Variants in WDR7 observed in about 807,000 individuals in gnomAD.
WDR7 encodes the protein WD repeat-containing protein 7.
In WDR7, 46 loss-of-function variants were observed where a neutral mutation model predicts 169.4. That is an observed-to-expected ratio of 0.27 (90% confidence interval 0.21 to 0.35). The LOEUF is 0.35. Among genes scored for constraint, WDR7 ranks in the 10% least tolerant of loss-of-function variants. The pLI is 1.00. For synonymous variants in WDR7, 612 were observed against 666.8 expected, an observed-to-expected ratio of 0.92 and a Z score of 1.27; for missense variants, 1,534 against 1,859.3, an observed-to-expected ratio of 0.83 and a Z score of 3.22.
chr18:57,033,339 A>G (rs1372817260), downstream of WDR7: 2 of 152,212 alleles, frequency 1.3e-5, no homozygotes, highest in African/African-American at 4.8e-5. Flanking sequence ...GTAGGAATTT[A>G]TAGAAGTCAA....
Position 56,999,386 on chromosome 18 carries a change from AAT to A in WDR7, c.4165-21352_4165-21351del, listed in dbSNP as rs537791219. ...TTTTAGGAATAAGTAAATATTAGGAAATATATATGAAGTAGTGATAATGGTTT... is the reference window on the plus strand; with the variant it reads ...TTTTAGGAATAAGTAAATATTAGGAAATATATGAAGTAGTGATAATGGTTT... On this transcript the variant is annotated intron_variant, in intron 26 of 27. Transcript: ENST00000254442. 2.8e-4 allele frequency among the ~76,000 whole-genome samples: 43 copies of A among 152,320 alleles called. 2 individuals are homozygous for A. In the South Asian group the frequency reaches 8.5e-3, roughly 30 times the overall value.
chr18:56,800,339 T>C (rs2044651507), intron 19 of WDR7, among the ~76,000 whole-genome samples: 1 of 152,264 alleles, frequency 6.6e-6, no homozygotes, highest in Non-Finnish European at 1.5e-5. Flanking sequence ...TTACAGTGTA[T>C]GCATGTTTAT....
At chr18:56,897,906 T>C (rs1354197864) in intron 21 of WDR7, among the ~76,000 whole-genome samples, 2 of 151,976 alleles carry the variant, frequency 1.3e-5, no homozygotes, top group African/African-American at 4.8e-5. Context: ...TATACCTTGA[T>C]TGGTGTGGAG....
chr18:56,903,625 G>A (rs2046434179), intron 21 of WDR7, among the ~76,000 whole-genome samples: 1 of 151,772 alleles, frequency 6.6e-6, no homozygotes, highest in Admixed American at 6.6e-5. Flanking sequence ...TCACCATGTT[G>A]GCCAGGCTGG....
At chr18:56,872,529 A>G (rs2045967367) in intron 20 of WDR7, 1 of 152,232 alleles carries the variant, frequency 6.6e-6, no homozygotes, top group Admixed American at 6.5e-5. Flanking sequence ...TCTGTCAAGT[A>G]AATTGTTGTT....
At chr18:56,872,879 A>G (rs1290228436) in intron 20 of WDR7, 2 of 152,206 alleles carry the variant, frequency 1.3e-5, no homozygotes, top group African/African-American at 2.4e-5. Flanking sequence ...TTTATTTTTA[A>G]TATCTCAAAA....
At chr18:57,030,843 A>G (rs1275520504), downstream of WDR7, 1 of 150,866 alleles carries the variant, frequency 6.6e-6, no homozygotes, top group East Asian at 2.0e-4. Context: ...AGCCAGAAGA[A>G]TTTCAAAAAT....
chr18:56,863,832 C>T (rs1449420751), intron 20 of WDR7, among the ~76,000 whole-genome samples: 1 of 151,708 alleles, frequency 6.6e-6, no homozygotes, highest in Non-Finnish European at 1.5e-5. Context: ...GCTGTTTGAT[C>T]AGTTCTGTGT....
intron 1 of WDR7, among the ~76,000 whole-genome samples, chr18:56,663,626 C>CATATATGCACAGCATATATACAT (rs1239167119): frequency 7.5e-5 from 1 of 13,352 alleles, no homozygotes; most frequent in African/African-American, 9.4e-5. Context: ...ATATACACCA[C>CATATATGCACAGCATATATACAT]ATATATGCAC....
chr18:56,834,994 A>T (rs187213280), intron 20 of WDR7, among the ~76,000 whole-genome samples: 1 of 152,302 alleles, frequency 6.6e-6, no homozygotes, highest in Admixed American at 6.5e-5. Flanking sequence ...AGCAGGCCCC[A>T]GTAAGACTTC....
intron 21 of WDR7, among the ~76,000 whole-genome samples, chr18:56,896,800 C>A (rs1599138440): frequency 6.6e-6 from 1 of 151,736 alleles, no homozygotes; most frequent in South Asian, 2.1e-4. Context: ...AATGCCAAAC[C>A]AAGCCACTAA....
intron 12 of WDR7, among the ~76,000 whole-genome samples, chr18:56,713,142 C>A (rs1010782079): frequency 6.6e-6 from 1 of 152,070 alleles, no homozygotes; most frequent in Non-Finnish European, 1.5e-5. Flanking sequence ...ATCTCTTCAT[C>A]GGCTATATTA....
chr18:57,008,015 C>T (rs984728863), intron 26 of WDR7, among the ~76,000 whole-genome samples: 1 of 152,122 alleles, frequency 6.6e-6, no homozygotes, highest in East Asian at 1.9e-4. Flanking sequence ...TCCTAAGCTC[C>T]AAATTCATTT....
chr18:56,765,851 C>CT (rs1376379095), intron 16 of WDR7, among the ~76,000 whole-genome samples: 1 of 152,014 alleles, frequency 6.6e-6, no homozygotes, highest in Admixed American at 6.6e-5. Context: ...GATCCATGTG[C>CT]TGAACGTGCA....
intron 26 of WDR7, among the ~76,000 whole-genome samples, chr18:56,969,440 A>C (rs73444854): frequency 0.088 from 13,436 of 151,854 alleles, 1,854 homozygotes; most frequent in African/African-American, 0.3. Context: ...CATTCCCTAT[A>C]CTCCTTTCCC....
chr18:56,980,224 TC>T (rs1249871486), intron 26 of WDR7, among the ~76,000 whole-genome samples: 1 of 152,164 alleles, frequency 6.6e-6, no homozygotes, highest in African/African-American at 2.4e-5. Flanking sequence ...TTCTGAGCTA[TC>T]CTCTTTCCCT....
At chr18:56,688,218 A>C (rs2025484524) in intron 7 of WDR7, among the ~76,000 whole-genome samples, 1 of 152,148 alleles carries the variant, frequency 6.6e-6, no homozygotes, top group Admixed American at 6.5e-5. Flanking sequence ...TCATAATTAG[A>C]ACCTGGAATG....
intron 16 of WDR7, among the ~76,000 whole-genome samples, chr18:56,767,069 C>T (rs1568183266): frequency 6.6e-6 from 1 of 152,060 alleles, no homozygotes. Flanking sequence ...CCTGGTCTTG[C>T]TTTTATGACT....
chr18:56,829,256 T>TA lies in WDR7; in HGVS notation c.3304+13124dup, dbSNP rs34752059. On this transcript the variant is annotated intron_variant, in intron 20 of 27. Coordinates refer to ENST00000254442, the MANE Select transcript of WDR7 (RefSeq NM_015285.3). ...CTGGGTGACAGAGGGAGGCCTTCTGTAAAAAAAAAAAATAATAAACAAACC... is the reference window on the plus strand; with the variant it reads ...CTGGGTGACAGAGGGAGGCCTTCTGTAAAAAAAAAAAAATAATAAACAAACC... Among the ~76,000 whole-genome samples, 463 of 142,568 alleles carry TA rather than the reference T, an allele frequency of 3.2e-3. 2 individuals carry two copies. The highest frequency in any genetic ancestry group is 8.4e-3 in the African/African-American group (329 of 39,054). The allele number at this position is 142,568 out of a possible 152,430, so 93.5% of individuals were successfully genotyped here.
Sources: allele counts gnomAD v4.1 joint callset (sites outside exome capture counted in the v4.1 genomes callset), GRCh38; gene constraint gnomAD v4.1.1; transcripts MANE v1.5; gene names NCBI Gene and HGNC (gene_info 2026-07-23, HGNC 2026-07-21).